Variants in FGD5 observed in about 807,000 individuals in gnomAD.
FGD5 encodes FYVE, RhoGEF and PH domain-containing protein 5.
FGD5 carries 28 observed loss-of-function variants against 133.4 expected under a neutral mutation model. The ratio of observed to expected loss-of-function variants is 0.21; its 90% CI spans 0.16 to 0.29. The LOEUF is 0.29. Ranked by LOEUF, FGD5 falls within the 10% of genes least tolerant of loss-of-function variation. The pLI is 1.00. For missense variants in FGD5, 1,858 were observed against 1,895.2 expected, an observed-to-expected ratio of 0.98 and a Z score of 0.36; for synonymous variants, 810 against 776.5, an observed-to-expected ratio of 1.04 and a Z score of -0.72.
chr3:14,855,908 T>C (rs1012274016), intron 1 of FGD5, among the ~76,000 whole-genome samples: 2 of 152,206 alleles, frequency 1.3e-5, no homozygotes, highest in Non-Finnish European at 2.9e-5. Flanking sequence ...ATTTTTACTT[T>C]TGTTGCCTGT....
chr3:14,844,217 A>AAAAAAAAAT (rs1559477363), intron 1 of FGD5, among the ~76,000 whole-genome samples: 1 of 20,380 alleles, frequency 4.9e-5, no homozygotes, highest in Non-Finnish European at 8.5e-5. Flanking sequence ...AAAAAAAAAA[A>AAAAAAAAAT]ATATATATAT....
intron 11 of FGD5, 75 bp downstream of exon 11, chr3:14,911,004 A>G (rs980302907): frequency 7.0e-7 from 1 of 1,419,718 alleles, no homozygotes; most frequent in African/African-American, 1.4e-5. Context: ...TTATTCAAGG[A>G]CAAGTGGAAT....
At chr3:14,838,501 C>T (rs1305728172) in intron 1 of FGD5, among the ~76,000 whole-genome samples, 1 of 152,174 alleles carries the variant, frequency 6.6e-6, no homozygotes, top group Non-Finnish European at 1.5e-5. Context: ...TGCCATCTGA[C>T]CCCCCAGTGA....
intron 2 of FGD5, among the ~76,000 whole-genome samples, chr3:14,866,141 A>C (rs1369526658): frequency 6.6e-6 from 1 of 152,022 alleles, no homozygotes; most frequent in African/African-American, 2.4e-5. Context: ...GTTCTCTTTT[A>C]AACCCTCCTC....
chr3:14,824,224 T>C (rs191066240), intron 1 of FGD5, among the ~76,000 whole-genome samples: 1 of 152,318 alleles, frequency 6.6e-6, no homozygotes, highest in East Asian at 1.9e-4. Flanking sequence ...AAATCCCCAC[T>C]TTGGGCTGGA....
chr3:14,905,402 C>T (rs2125138563), intron 9 of FGD5, among the ~76,000 whole-genome samples: 1 of 152,108 alleles, frequency 6.6e-6, no homozygotes, highest in South Asian at 2.1e-4. Flanking sequence ...GATTCTTGAG[C>T]TTCTTGGATC....
intron 2 of FGD5, among the ~76,000 whole-genome samples, chr3:14,872,011 A>T (rs1047915363): frequency 2.6e-5 from 4 of 152,238 alleles, no homozygotes; most frequent in Non-Finnish European, 2.9e-5. Context: ...TGCCGAACCC[A>T]GATCTGCCTG....
Position 14,819,731 on chromosome 3 carries a change from C to T in FGD5, c.660C>T (p.Gly220=). Residue 220 remains glycine (G), a synonymous_variant, in exon 1 of 20, where the codon GGC becomes GGT. Transcript: ENST00000285046. This position sits in a 1 kb window ranked among gnomAD's most constrained non-coding sequence, Gnocchi z 4.1. ...AGGCAGAGGAGGATGATGAGGAAGG[C>T]TGTGCCAGCACAGACCCAGCAGGGG... is the stretch of plus-strand genomic sequence containing the variant. ...PGEAEEDDEE[G]CASTDPAGAD... 6.5e-7 allele frequency: 1 copy of T among 1,535,794 alleles called. No individual in the cohort carries two copies. The highest frequency in any genetic ancestry group is 8.8e-7 in the Non-Finnish European group (1 of 1,139,266).
intron 4 of FGD5, among the ~76,000 whole-genome samples, chr3:14,889,405 G>A (rs2037983996): frequency 6.6e-6 from 1 of 152,206 alleles, no homozygotes. Context: ...GATTTAGCCA[G>A]CTGTTCACGG....
At chr3:14,920,086 T>G (rs192551704) in intron 13 of FGD5, among the ~76,000 whole-genome samples, 116 of 152,108 alleles carry the variant, frequency 7.6e-4, no homozygotes, top group African/African-American at 2.7e-3. Context: ...GCATCCCCTT[T>G]TCCTTCTTTC....
At chr3:14,918,897 C>G (rs1209021237) in intron 13 of FGD5, 64 bp downstream of exon 13, 2 of 1,548,110 alleles carry the variant, frequency 1.3e-6, no homozygotes, top group South Asian at 1.1e-5. Flanking sequence ...AGGTTCAGAA[C>G]AACAGATAAG....
intron 1 of FGD5, among the ~76,000 whole-genome samples, chr3:14,812,470 T>C (rs1163585951): frequency 1.3e-5 from 2 of 152,198 alleles, no homozygotes; most frequent in African/African-American, 4.8e-5. Context: ...TCTCTGAGAA[T>C]CTGGGGGATG....
chr3:14,867,790 C>A (rs1054022715), intron 2 of FGD5, among the ~76,000 whole-genome samples: 1 of 152,204 alleles, frequency 6.6e-6, no homozygotes, highest in Non-Finnish European at 1.5e-5. Flanking sequence ...AAGGCAAAGA[C>A]CTCTCATCTC....
chr3:14,818,020 T>G (rs555573539), upstream of FGD5, among the ~76,000 whole-genome samples: 20 of 152,316 alleles, frequency 1.3e-4, no homozygotes, highest in African/African-American at 4.8e-4. Flanking sequence ...ATCCTTCTTA[T>G]CCTGCAAATC....
chr3:14,857,243 C>G (rs1305214666), intron 1 of FGD5, among the ~76,000 whole-genome samples: 1 of 152,066 alleles, frequency 6.6e-6, no homozygotes, highest in South Asian at 2.1e-4. Flanking sequence ...TCCACCCCCC[C>G]AGGCTCAAGC....
intron 1 of FGD5, among the ~76,000 whole-genome samples, chr3:14,862,459 C>G (rs540236841): frequency 1.8e-4 from 28 of 152,252 alleles, no homozygotes; most frequent in African/African-American, 6.5e-4. Flanking sequence ...GACCACTCCT[C>G]AGTGGAGGGA....
At chr3:14,839,799 G>C (rs2036883781) in intron 1 of FGD5, among the ~76,000 whole-genome samples, 1 of 152,080 alleles carries the variant, frequency 6.6e-6, no homozygotes, top group Non-Finnish European at 1.5e-5. Flanking sequence ...TGGGCGTGGT[G>C]GTGGGCACCT....
At chr3:14,912,602 C>T (rs1194700308) in intron 11 of FGD5, among the ~76,000 whole-genome samples, 5 of 152,148 alleles carry the variant, frequency 3.3e-5, no homozygotes, top group Admixed American at 3.3e-4. Context: ...CTGTAACATT[C>T]ATTCATTCTG....
chr3:14,880,554 C>T lies in FGD5; in HGVS notation c.2659-18C>T, dbSNP rs1327325995. 2 of 1,612,734 alleles carry T rather than the reference C, an allele frequency of 1.2e-6. No individual in the cohort carries two copies. The highest frequency in any genetic ancestry group is 8.5e-7 in the Non-Finnish European group (1 of 1,179,104). ...CACTGATGCCTGTCCCACCTGATTG[C>T]TCTCTTTCCTCCCACAGGTGGAAGG... On this transcript the variant is annotated intron_variant, in intron 2 of 19. Coordinates refer to ENST00000285046, the MANE Select transcript of FGD5 (RefSeq NM_152536.4).
Sources: gnomAD v4.1 joint callset for allele counts (sites outside exome capture counted in the v4.1 genomes callset) on GRCh38, gnomAD v4.1.1 for gene constraint, Gnocchi (gnomAD v3.1) non-coding constraint, MANE v1.5 for transcripts, NCBI Gene and HGNC (gene_info 2026-07-23, HGNC 2026-07-21) for gene names.